Variants in GPC5 observed in about 807,000 individuals in gnomAD.
The protein encoded by GPC5 is glypican-5.
In GPC5, 47 loss-of-function variants were observed where a neutral mutation model predicts 53.9. That is an observed-to-expected ratio of 0.87 (90% CI 0.69 to 1.11). GPC5 has a LOEUF of 1.11. Ranked by LOEUF, GPC5 falls within the 50% of genes most tolerant of loss-of-function variation. The pLI is 0.00. For synonymous variants in GPC5, 286 were observed against 263.3 expected, an observed-to-expected ratio of 1.09 and a Z score of -0.84; for missense variants, 748 against 713.1, an observed-to-expected ratio of 1.05 and a Z score of -0.56.
At chr13:91,705,857 C>G (rs1050669492) in intron 3 of GPC5, among the ~76,000 whole-genome samples, 1 of 150,008 alleles carries the variant, frequency 6.7e-6, no homozygotes, top group African/African-American at 2.5e-5. Flanking sequence ...TTACATGTAA[C>G]TTTTTTCTTT....
At chr13:92,085,106 C>G (rs1035350193) in intron 6 of GPC5, among the ~76,000 whole-genome samples, 7 of 152,128 alleles carry the variant, frequency 4.6e-5, no homozygotes, top group Non-Finnish European at 4.4e-5. Context: ...TATTCCAAAG[C>G]CTTCATCTCT....
chr13:92,573,330 C>T (rs1413531392), intron 7 of GPC5, among the ~76,000 whole-genome samples: 1 of 152,110 alleles, frequency 6.6e-6, no homozygotes. Flanking sequence ...GGGTAACTGG[C>T]ACTAAGCTGT....
chr13:91,598,472 AG>A (rs1167804450), intron 2 of GPC5, among the ~76,000 whole-genome samples: 1 of 152,048 alleles, frequency 6.6e-6, no homozygotes, highest in Non-Finnish European at 1.5e-5. Context: ...AATGAAAAAA[AG>A]ATTCTGGTTG....
chr13:91,640,357 GT>G (rs951729632), intron 2 of GPC5, among the ~76,000 whole-genome samples: 1 of 152,180 alleles, frequency 6.6e-6, no homozygotes, highest in Admixed American at 6.5e-5. Flanking sequence ...AGACATTCAT[GT>G]GGCCAAGAAA....
chr13:92,333,918 A>G (rs897074028), intron 7 of GPC5, among the ~76,000 whole-genome samples: 6 of 152,142 alleles, frequency 3.9e-5, no homozygotes, highest in Non-Finnish European at 8.8e-5. Flanking sequence ...GGCAATTTAA[A>G]CAGAGATAGA....
At chr13:91,949,493 T>C (rs1166982301) in intron 6 of GPC5, among the ~76,000 whole-genome samples, 2 of 152,170 alleles carry the variant, frequency 1.3e-5, no homozygotes, top group Non-Finnish European at 2.9e-5. Flanking sequence ...ATAAGTTTTA[T>C]GGTTCAGGAG....
At chr13:92,696,470 T>C (rs1392221302) in intron 7 of GPC5, among the ~76,000 whole-genome samples, 2 of 152,248 alleles carry the variant, frequency 1.3e-5, no homozygotes, top group Non-Finnish European at 2.9e-5. Context: ...TTTTTAAATA[T>C]GTTAGTTGGC....
rs145313888 is a variant in GPC5, at chr13:92,626,132, A to G, written c.1562-240150A>G. ...TTATATAATAACTTTTTCTATACTT[A>G]CAATACTCAGATTATATAGTAATAC... On this transcript the variant is annotated intron_variant, in intron 7 of 7. Coordinates refer to ENST00000377067, the MANE Select transcript of GPC5 (RefSeq NM_004466.6). 3.9e-3 allele frequency among the ~76,000 whole-genome samples: 591 copies of G among 152,344 alleles called. 5 individuals are homozygous for G. The highest frequency in any genetic ancestry group is 0.014 in the African/African-American group (566 of 41,572).
At chr13:92,370,783 T>C (rs747819748) in intron 7 of GPC5, among the ~76,000 whole-genome samples, 1 of 152,196 alleles carries the variant, frequency 6.6e-6, no homozygotes, top group Non-Finnish European at 1.5e-5. Context: ...GTTTATTATA[T>C]TTTGTTGGAA....
intron 6 of GPC5, among the ~76,000 whole-genome samples, chr13:92,037,649 G>GA (rs1358634022): frequency 1.2e-4 from 18 of 152,138 alleles, no homozygotes; most frequent in African/African-American, 4.3e-4. Context: ...GGCACAGGGG[G>GA]AGTCCTTAAT....
rs368024949 is a variant in GPC5, at chr13:92,229,787, T to C, written c.1561+84798T>C. ...ATATAATAAAATATTATGGCATAAATAGTAGAGATATTTCATATAACTATC... is the reference window on the plus strand; with the variant it reads ...ATATAATAAAATATTATGGCATAAACAGTAGAGATATTTCATATAACTATC... On this transcript the variant is annotated intron_variant, in intron 7 of 7. Transcript: ENST00000377067. 9.2e-5 allele frequency among the ~76,000 whole-genome samples: 14 copies of C among 152,174 alleles called. No homozygotes were observed. In the South Asian group the frequency reaches 1.0e-3, roughly 11 times the overall value.
intron 7 of GPC5, among the ~76,000 whole-genome samples, chr13:92,745,765 T>C (rs1445518687): frequency 6.6e-6 from 1 of 152,148 alleles, no homozygotes; most frequent in East Asian, 1.9e-4. Context: ...AATCATTTTT[T>C]TCAAAATTTC....
intron 1 of GPC5, among the ~76,000 whole-genome samples, chr13:91,434,523 G>A (rs1224051047): frequency 3.3e-5 from 5 of 151,968 alleles, no homozygotes; most frequent in African/African-American, 7.3e-5. Context: ...GATGTGTGTT[G>A]TTATTTCTGA....
intron 6 of GPC5, among the ~76,000 whole-genome samples, chr13:91,999,585 C>A (rs773834799): frequency 1.3e-5 from 2 of 152,100 alleles, no homozygotes; most frequent in Non-Finnish European, 2.9e-5. Flanking sequence ...CAAACCTTCA[C>A]CAAGTAGCAA....
At chr13:92,807,629 C>T (rs1877145024) in intron 7 of GPC5, among the ~76,000 whole-genome samples, 1 of 152,014 alleles carries the variant, frequency 6.6e-6, no homozygotes, top group South Asian at 2.1e-4. Context: ...AGGGGAGTGA[C>T]TGGGAACGTT....
chr13:92,717,784 G>GTGAA (rs1412005396), intron 7 of GPC5, among the ~76,000 whole-genome samples: 1 of 152,128 alleles, frequency 6.6e-6, no homozygotes, highest in Non-Finnish European at 1.5e-5. Context: ...AGACATCATA[G>GTGAA]TGAATGTGAT....
chr13:92,346,048 C>T (rs1594117788), intron 7 of GPC5, among the ~76,000 whole-genome samples: 1 of 152,120 alleles, frequency 6.6e-6, no homozygotes, highest in Non-Finnish European at 1.5e-5. Flanking sequence ...CAGAGCATGA[C>T]CTAATGACCC....
intron 3 of GPC5, among the ~76,000 whole-genome samples, chr13:91,726,624 G>A (rs369919570): frequency 2.6e-5 from 4 of 152,186 alleles, no homozygotes; most frequent in African/African-American, 7.2e-5. Flanking sequence ...TACCCTCTGA[G>A]GACTTTTCCT....
At chr13:91,919,357 C>G (rs768865428) in intron 6 of GPC5, among the ~76,000 whole-genome samples, 24 of 152,156 alleles carry the variant, frequency 1.6e-4, no homozygotes, top group Non-Finnish European at 3.4e-4. Flanking sequence ...AGTTGTTGAA[C>G]CACACATTGC....
Sources: allele counts gnomAD v4.1 joint callset (sites outside exome capture counted in the v4.1 genomes callset), GRCh38; gene constraint gnomAD v4.1.1; transcripts MANE v1.5; gene names NCBI Gene and HGNC (gene_info 2026-07-23, HGNC 2026-07-21).